The following CFAP299 variants were observed in gnomAD, a reference collection of about 807,000 sequenced individuals.
CFAP299 encodes cilia- and flagella-associated protein 299.
Under a neutral mutation model 27.0 loss-of-function variants are expected in CFAP299, and 21 were observed. That is an observed-to-expected ratio of 0.78 (90% confidence interval 0.55 to 1.12). The LOEUF (loss-of-function observed/expected upper bound fraction) is 1.12, where lower values mean the gene tolerates loss of function less well. CFAP299 is among the 50% of genes most tolerant of loss of function. CFAP299 has a pLI of 0.00. For missense variants in CFAP299, 310 were observed against 276.6 expected, an observed-to-expected ratio of 1.12 and a Z score of -0.86; for synonymous variants, 104 against 98.1, an observed-to-expected ratio of 1.06 and a Z score of -0.36.
chr4:80,448,592 C>A (rs1447695114), intron 2 of CFAP299, among the ~76,000 whole-genome samples: 1 of 151,798 alleles, frequency 6.6e-6, no homozygotes, highest in Non-Finnish European at 1.5e-5. Context: ...GTTCTTTTTT[C>A]TTCTCTTACT....
intron 3 of CFAP299, among the ~76,000 whole-genome samples, chr4:80,822,683 G>T (rs1225120435): frequency 6.6e-6 from 1 of 152,150 alleles, no homozygotes; most frequent in Non-Finnish European, 1.5e-5. Context: ...TGAACCCAAA[G>T]TTGTAACATG....
In CFAP299 at chr4:80,853,713, C is replaced by T. The variant is rs114072447; in HGVS notation, c.334-16280C>T. Among the ~76,000 whole-genome samples, 1,312 of 152,214 alleles carry T rather than the reference C, an allele frequency of 8.6e-3. 21 individuals carry two copies. Among genetic ancestry groups the T allele is most frequent in the African/African-American group, 0.03 (1,245 of 41,532 alleles). On this transcript the variant is annotated intron_variant, in intron 3 of 5. Coordinates refer to ENST00000358105, the MANE Select transcript of CFAP299 (RefSeq NM_152770.3). ...TATGTTGAAGGTAGAGGCAACAAGA[C>T]TTGTGAATGGATTGAAATGAATGTG...
At chr4:80,842,367 C>G (rs2110139850) in intron 3 of CFAP299, among the ~76,000 whole-genome samples, 1 of 152,222 alleles carries the variant, frequency 6.6e-6, no homozygotes, top group South Asian at 2.1e-4. Flanking sequence ...GAGAATGGCA[C>G]TAGAGAACAA....
chr4:80,925,874 C>G (rs1482001048), intron 4 of CFAP299, among the ~76,000 whole-genome samples: 1 of 152,008 alleles, frequency 6.6e-6, no homozygotes, highest in African/African-American at 2.4e-5. Flanking sequence ...TAGAAATAGT[C>G]CAATAAGGTG....
intron 4 of CFAP299, among the ~76,000 whole-genome samples, chr4:80,915,845 T>C (rs192134111): frequency 6.6e-6 from 1 of 152,112 alleles, no homozygotes. Context: ...TTTCACGTCT[T>C]CCATATTCTC....
At chr4:80,419,774 C>T (rs569831972) in intron 2 of CFAP299, among the ~76,000 whole-genome samples, 1 of 152,024 alleles carries the variant, frequency 6.6e-6, no homozygotes, top group Non-Finnish European at 1.5e-5. Context: ...TTTTGGGTAA[C>T]CTCTATACTG....
chr4:80,817,826 CT>C (rs532961103), intron 3 of CFAP299, among the ~76,000 whole-genome samples: 38 of 143,886 alleles, frequency 2.6e-4, no homozygotes, highest in East Asian at 6.0e-4. Flanking sequence ...TTATAGTTTT[CT>C]TTTTTTTTTT....
chr4:80,401,172 A>G (rs1726132651), intron 2 of CFAP299, among the ~76,000 whole-genome samples: 1 of 152,234 alleles, frequency 6.6e-6, no homozygotes, highest in Admixed American at 6.5e-5. Flanking sequence ...CAGCCTGACT[A>G]TGCAATAGAA....
intron 2 of CFAP299, among the ~76,000 whole-genome samples, chr4:80,453,261 C>G (rs556499192): frequency 6.6e-6 from 1 of 151,502 alleles, no homozygotes; most frequent in Non-Finnish European, 1.5e-5. Context: ...TTTTGTTTAC[C>G]GAGACTTGCA....
chr4:80,455,464 C>T (rs1316451943), intron 2 of CFAP299, among the ~76,000 whole-genome samples: 1 of 152,154 alleles, frequency 6.6e-6, no homozygotes, highest in Non-Finnish European at 1.5e-5. Context: ...TCCCTCCACT[C>T]CACTCCTTAC....
chr4:80,477,006 C>A (rs764643269), intron 2 of CFAP299, among the ~76,000 whole-genome samples: 1 of 151,680 alleles, frequency 6.6e-6, no homozygotes, highest in African/African-American at 2.4e-5. Flanking sequence ...TTCCTCCCAG[C>A]TTTGAAAATC....
intron 3 of CFAP299, among the ~76,000 whole-genome samples, chr4:80,698,888 C>A (rs777078500): frequency 1.2e-4 from 19 of 152,130 alleles, no homozygotes; most frequent in Non-Finnish European, 2.5e-4. Context: ...GATCTAATCA[C>A]CTCCCACCAG....
chr4:80,955,438 TA>T (rs1460811936), intron 5 of CFAP299, among the ~76,000 whole-genome samples: 2 of 152,036 alleles, frequency 1.3e-5, no homozygotes, highest in African/African-American at 4.8e-5. Context: ...TGCCACAGAG[TA>T]GGTGCTCAAT....
intron 3 of CFAP299, among the ~76,000 whole-genome samples, chr4:80,602,525 C>T (rs1189993341): frequency 6.6e-6 from 1 of 151,974 alleles, no homozygotes; most frequent in Non-Finnish European, 1.5e-5. Flanking sequence ...GAAAGGAGAC[C>T]AAATAATAGA....
intron 2 of CFAP299, among the ~76,000 whole-genome samples, chr4:80,495,291 G>A (rs1399042209): frequency 6.6e-6 from 1 of 150,582 alleles, no homozygotes; most frequent in Admixed American, 6.6e-5. Flanking sequence ...CAAAAAAGGT[G>A]TGTAGCAAGA....
At chr4:80,327,184 T>C in the CFAP299 span, among the ~76,000 whole-genome samples, 1 of 152,162 alleles carries the variant, frequency 6.6e-6, no homozygotes, top group Non-Finnish European at 1.5e-5. Context: ...AAGGTATCTT[T>C]GACATCCTGA....
At chr4:80,702,229 G>A (rs186174270) in intron 3 of CFAP299, among the ~76,000 whole-genome samples, 81 of 151,748 alleles carry the variant, frequency 5.3e-4, no homozygotes, top group African/African-American at 1.9e-3. Context: ...CAATAGAGAG[G>A]ACATAGTTCA....
intron 2 of CFAP299, among the ~76,000 whole-genome samples, chr4:80,563,027 A>C (rs1209367188): frequency 6.6e-6 from 1 of 152,088 alleles, no homozygotes; most frequent in Non-Finnish European, 1.5e-5. Context: ...CATGTACCCA[A>C]CACTGGAGCA....
chr4:80,764,393 G>A (rs565454769), intron 3 of CFAP299, among the ~76,000 whole-genome samples: 94 of 152,232 alleles, frequency 6.2e-4, no homozygotes, highest in African/African-American at 2.0e-3. Context: ...AAACCACAAC[G>A]AGATACCATC....
Sources: gnomAD v4.1 joint callset for allele counts (sites outside exome capture counted in the v4.1 genomes callset) on GRCh38, gnomAD v4.1.1 for gene constraint, MANE v1.5 for transcripts, NCBI Gene and HGNC (gene_info 2026-07-23, HGNC 2026-07-21) for gene names.